CACNA2D1: variants seen among roughly 807,000 people sequenced by gnomAD.
CACNA2D1 encodes the protein voltage-dependent calcium channel subunit alpha-2/delta-1.
CACNA2D1 carries 53 observed loss-of-function variants against 171.5 expected under a neutral mutation model. The ratio of observed to expected loss-of-function variants is 0.31; its 90% confidence interval spans 0.25 to 0.39. The LOEUF is 0.39. Ranked by LOEUF, CACNA2D1 falls within the 10% of genes least tolerant of loss-of-function variation. The pLI, the probability that CACNA2D1 is intolerant of heterozygous loss-of-function variation, is 1.00. For synonymous variants in CACNA2D1, 442 were observed against 443.1 expected, an observed-to-expected ratio of 1.00 and a Z score of 0.03; for missense variants, 903 against 1,299.8, an observed-to-expected ratio of 0.69 and a Z score of 4.69.
intron 12 of CACNA2D1, chr7:82,020,683 A>G (rs1002561295): frequency 6.6e-6 from 1 of 152,086 alleles, no homozygotes; most frequent in Non-Finnish European, 1.5e-5. Context: ...TTCCTAGATG[A>G]GCAAATTTGG....
chr7:82,401,756 T>TC (rs1323661608), intron 1 of CACNA2D1, among the ~76,000 whole-genome samples: 1 of 152,086 alleles, frequency 6.6e-6, no homozygotes, highest in African/African-American at 2.4e-5. Flanking sequence ...ATTCATTTAT[T>TC]CCCTCAAAAT....
At chr7:82,262,654 G>A (rs1807280561) in intron 3 of CACNA2D1, among the ~76,000 whole-genome samples, 1 of 152,014 alleles carries the variant, frequency 6.6e-6, no homozygotes, top group Non-Finnish European at 1.5e-5. Flanking sequence ...TGGAAATTGG[G>A]AAGGTCTCAG....
intron 5 of CACNA2D1, among the ~76,000 whole-genome samples, 190 bp from the exon 6 acceptor site, chr7:82,117,363 A>G (rs973301639): frequency 6.6e-6 from 1 of 152,174 alleles, no homozygotes; most frequent in Admixed American, 6.6e-5. Flanking sequence ...GTATATCTTT[A>G]TTGTATTATT....
At chr7:82,102,479 TATATATAC>T (rs1421066200) in intron 6 of CACNA2D1, among the ~76,000 whole-genome samples, 2 of 151,542 alleles carry the variant, frequency 1.3e-5, no homozygotes, top group African/African-American at 2.4e-5. Context: ...CATATATACA[TATATATAC>T]ACACACACAC....
intron 8 of CACNA2D1, among the ~76,000 whole-genome samples, chr7:82,065,121 T>G (rs1302102815): frequency 6.6e-6 from 1 of 151,668 alleles, no homozygotes; most frequent in Non-Finnish European, 1.5e-5. Context: ...ATCAATTTTT[T>G]TACTTATTTC....
At chr7:82,102,262 T>TA (rs1167746800) in intron 6 of CACNA2D1, among the ~76,000 whole-genome samples, 1 of 152,200 alleles carries the variant, frequency 6.6e-6, no homozygotes, top group East Asian at 1.9e-4. Flanking sequence ...ATTTTAGAGA[T>TA]AAAACTTTTA....
chr7:81,980,570 C>T (rs373821852), intron 24 of CACNA2D1, among the ~76,000 whole-genome samples: 12 of 151,434 alleles, frequency 7.9e-5, no homozygotes, highest in African/African-American at 2.7e-4. Flanking sequence ...ATCACTGGCT[C>T]GTATTTAGCA....
At position 82,084,833 on chromosome 7, in the gene CACNA2D1, C is replaced by G; in HGVS notation, c.594G>C (p.Glu198Asp). 6.2e-7 allele frequency: 1 copy of G among 1,613,972 alleles called. No homozygotes were observed. The highest frequency in any genetic ancestry group is 8.5e-7 in the Non-Finnish European group (1 of 1,179,872). Reference sequence around the variant, plus strand: ...CCTGCCACAATAATGAAGGGTCTTCCTCGCGATTCTTTTTGAAAACTTCAT... The same window carrying G: ...CCTGCCACAATAATGAAGGGTCTTCGTCGCGATTCTTTTTGAAAACTTCAT... ...ALDEVFKKNR[E>D]EDPSLLWQVF... Residue 198 changes from glutamate to aspartate, a missense_variant, in exon 7 of 39, where the codon GAG (glutamate) becomes GAC (aspartate). Physicochemically the swap from Glu to Asp is conservative, Grantham distance 45. Coordinates refer to ENST00000356860, the MANE Select transcript of CACNA2D1 (RefSeq NM_000722.4).
chr7:82,025,775 A>G (rs1801817578), intron 12 of CACNA2D1, among the ~76,000 whole-genome samples: 1 of 151,676 alleles, frequency 6.6e-6, no homozygotes, highest in African/African-American at 2.4e-5. Context: ...ATTGGGTCAA[A>G]TGTTCTCTAT....
At chr7:82,124,443 G>A (rs147465109) in intron 5 of CACNA2D1, among the ~76,000 whole-genome samples, 17 of 152,194 alleles carry the variant, frequency 1.1e-4, no homozygotes, top group African/African-American at 4.1e-4. Flanking sequence ...CTTCACTTCA[G>A]CATCTAATTG....
At chr7:82,344,670 C>A (rs1397776874) in intron 2 of CACNA2D1, among the ~76,000 whole-genome samples, 2 of 152,054 alleles carry the variant, frequency 1.3e-5, no homozygotes, top group African/African-American at 2.4e-5. Context: ...TCTCTGCATT[C>A]TTTATAGTGC....
intron 5 of CACNA2D1, among the ~76,000 whole-genome samples, chr7:82,135,059 A>G (rs1791443987): frequency 6.6e-6 from 1 of 152,152 alleles, no homozygotes; most frequent in East Asian, 1.9e-4. Context: ...TGTTTCACAT[A>G]TAAATGTAAC....
intron 3 of CACNA2D1, among the ~76,000 whole-genome samples, chr7:82,279,671 C>G (rs1259336582): frequency 6.6e-6 from 1 of 152,166 alleles, no homozygotes; most frequent in Non-Finnish European, 1.5e-5. Context: ...TAATTGCTCT[C>G]TCCTTAGACT....
intron 3 of CACNA2D1, among the ~76,000 whole-genome samples, chr7:82,212,292 G>A (rs576903130): frequency 9.5e-4 from 145 of 152,228 alleles, no homozygotes; most frequent in African/African-American, 3.3e-3. Flanking sequence ...GACATAAAAT[G>A]AATCATTTTT....
In CACNA2D1 at chr7:81,950,449, A is replaced by C. The variant is rs1191158299; in HGVS notation, c.3219T>G (p.Ile1073Met). The C allele has an allele frequency of 1.2e-6, 2 of 1,613,404 alleles. No homozygotes were observed. Among genetic ancestry groups the C allele is most frequent in the South Asian group, 2.2e-5 (2 of 91,066 alleles). ...SGLNPSLWYI[I>M]GIQFLLLWLV... is the part of the protein sequence containing the mutation. ...GCCAAAGTAGTAGAAACTGGATTCC[A>C]ATGATATACCACAGGGAGGGATTTA... is the stretch of plus-strand genomic sequence containing the variant. The change falls in exon 39 of 39, where the codon ATT (isoleucine) becomes ATG (methionine). Residue 1073 changes from isoleucine (I) to methionine (M), a missense_variant. Ile to Met is a conservative substitution (Grantham distance 10). Transcript: ENST00000356860.
At chr7:82,317,804 T>A (rs1815300290) in intron 3 of CACNA2D1, among the ~76,000 whole-genome samples, 1 of 152,068 alleles carries the variant, frequency 6.6e-6, no homozygotes, top group East Asian at 1.9e-4. Context: ...GATAGCTTCA[T>A]TTGCAAAATT....
chr7:82,114,344 G>GT (rs1377796708), intron 6 of CACNA2D1, among the ~76,000 whole-genome samples: 1 of 152,182 alleles, frequency 6.6e-6, no homozygotes, highest in Non-Finnish European at 1.5e-5. Context: ...TGCAAAGTAA[G>GT]TATCTTACTG....
chr7:82,096,137 G>A (rs1811833968), intron 6 of CACNA2D1, among the ~76,000 whole-genome samples: 1 of 152,146 alleles, frequency 6.6e-6, no homozygotes. Context: ...CACGAGAATA[G>A]GCACACTTTT....
intron 1 of CACNA2D1, among the ~76,000 whole-genome samples, chr7:82,380,445 T>C (rs540073757): frequency 1.4e-4 from 22 of 152,252 alleles, no homozygotes; most frequent in African/African-American, 5.1e-4. Flanking sequence ...ATTTTTGATG[T>C]GAGTGATTCC....
Sources: gnomAD v4.1 joint callset for allele counts (sites outside exome capture counted in the v4.1 genomes callset) on GRCh38, gnomAD v4.1.1 for gene constraint, MANE v1.5 for transcripts, NCBI Gene and HGNC (gene_info 2026-07-23, HGNC 2026-07-21) for gene names.